MDGA2: variants seen among roughly 807,000 people sequenced by gnomAD.
The protein encoded by MDGA2 is MAM domain-containing glycosylphosphatidylinositol anchor protein 2.
In MDGA2, 40 loss-of-function variants were observed where a neutral mutation model predicts 117.8. The ratio of observed to expected loss-of-function variants is 0.34; its 90% CI spans 0.26 to 0.44. The LOEUF is 0.44. MDGA2 is among the 20% of genes least tolerant of loss of function. MDGA2 has a pLI of 1.00. For synonymous variants in MDGA2, 452 were observed against 439.0 expected (o/e 1.03, Z -0.37); for missense variants, 1,123 against 1,250.6 (o/e 0.90, Z 1.54).
intron 1 of MDGA2, among the ~76,000 whole-genome samples, chr14:47,360,811 G>A (rs1190545810): frequency 2.0e-5 from 3 of 152,086 alleles, no homozygotes; most frequent in African/African-American, 7.2e-5. Flanking sequence ...GCACAGAAAT[G>A]AAAACAACTT....
intron 14 of MDGA2, among the ~76,000 whole-genome samples, chr14:46,860,623 C>T (rs1251539488): frequency 1.3e-5 from 2 of 151,880 alleles, no homozygotes; most frequent in Non-Finnish European, 2.9e-5. Flanking sequence ...ACTTGTCTTC[C>T]ACAGAACTGA....
At position 46,909,950 on chromosome 14, in the gene MDGA2, C is replaced by A. The variant is rs568637520; in HGVS notation, c.2238+10062G>T. 5.9e-5 allele frequency among the ~76,000 whole-genome samples: 9 copies of A among 152,194 alleles called. 1 individual carries two copies. Among genetic ancestry groups the A allele is most frequent in the African/African-American group, 1.9e-4 (8 of 41,560 alleles). ...CATTGCAGATATTTTTATATTTTAA[C>A]TTGAAGCTTTCCTATTTTGTTTATA... is the stretch of plus-strand genomic sequence containing the variant. On this transcript the variant is annotated intron_variant, in intron 10 of 16. Coordinates refer to ENST00000399232, the MANE Select transcript of MDGA2 (RefSeq NM_001113498.3).
chr14:47,515,888 A>G (rs1894741216), intron 1 of MDGA2, among the ~76,000 whole-genome samples: 1 of 152,178 alleles, frequency 6.6e-6, no homozygotes, highest in African/African-American at 2.4e-5. Context: ...CAGAACCAAT[A>G]TCTACATGTT....
chr14:47,239,512 A>G (rs937142156), intron 2 of MDGA2, among the ~76,000 whole-genome samples: 2 of 151,892 alleles, frequency 1.3e-5, no homozygotes, highest in Non-Finnish European at 2.9e-5. Context: ...AAACATAAAA[A>G]GCTTCTTTCA....
chr14:46,930,125 T>G (rs949024543), intron 9 of MDGA2, among the ~76,000 whole-genome samples: 1 of 148,952 alleles, frequency 6.7e-6, no homozygotes, highest in Admixed American at 6.7e-5. Context: ...AAAAAAAAAC[T>G]GAAAAGATTG....
chr14:47,663,261 T>C (rs553485427), intron 1 of MDGA2, among the ~76,000 whole-genome samples: 2 of 152,316 alleles, frequency 1.3e-5, no homozygotes, highest in Non-Finnish European at 2.9e-5. Context: ...TAAGGTGATT[T>C]GTTTAGCAAA....
chr14:47,554,980 A>C (rs1235278892), intron 1 of MDGA2, among the ~76,000 whole-genome samples: 2 of 152,198 alleles, frequency 1.3e-5, no homozygotes. Context: ...AAGTTCAACT[A>C]AGCCAAAATG....
At chr14:47,267,218 C>CT (rs1566711374) in intron 2 of MDGA2, among the ~76,000 whole-genome samples, 1 of 151,656 alleles carries the variant, frequency 6.6e-6, no homozygotes. Context: ...AAATATGATT[C>CT]TTTTTTTGGT....
At chr14:47,227,754 C>G (rs1424936336) in intron 2 of MDGA2, among the ~76,000 whole-genome samples, 1 of 152,110 alleles carries the variant, frequency 6.6e-6, no homozygotes, top group Non-Finnish European at 1.5e-5. Context: ...CCACAATGCA[C>G]CCAAAGTAGA....
chr14:47,176,189 T>C (rs1884435858), intron 3 of MDGA2, among the ~76,000 whole-genome samples: 1 of 152,046 alleles, frequency 6.6e-6, no homozygotes. Context: ...TGCTCATGGG[T>C]AGGAAGAATC....
At chr14:46,907,371 G>C (rs964802303) in intron 10 of MDGA2, among the ~76,000 whole-genome samples, 2 of 152,070 alleles carry the variant, frequency 1.3e-5, no homozygotes, top group Non-Finnish European at 2.9e-5. Context: ...CTAACAATTT[G>C]AGAATACCTG....
At chr14:47,523,825 G>C (rs1437483247) in intron 1 of MDGA2, among the ~76,000 whole-genome samples, 1 of 152,202 alleles carries the variant, frequency 6.6e-6, no homozygotes, top group Non-Finnish European at 1.5e-5. Flanking sequence ...TTTTGCCTTA[G>C]TTTGTCACTG....
At chr14:47,007,119 T>G (rs1887739720) in intron 8 of MDGA2, among the ~76,000 whole-genome samples, 2 of 151,842 alleles carry the variant, frequency 1.3e-5, no homozygotes, top group Admixed American at 1.3e-4. Context: ...CATATGGAAT[T>G]TGTATCATAT....
chr14:47,415,628 C>A (rs183589493), intron 1 of MDGA2, among the ~76,000 whole-genome samples: 58 of 152,038 alleles, frequency 3.8e-4, no homozygotes, highest in Non-Finnish European at 7.9e-4. Flanking sequence ...TCCTGCTAAC[C>A]CCAAGAGAAT....
At chr14:47,509,882 T>A (rs950090145) in intron 1 of MDGA2, among the ~76,000 whole-genome samples, 1 of 152,204 alleles carries the variant, frequency 6.6e-6, no homozygotes, top group African/African-American at 2.4e-5. Flanking sequence ...TTGAGTTACA[T>A]CCATGTCTGA....
intron 8 of MDGA2, among the ~76,000 whole-genome samples, chr14:47,029,703 ATAGTTT>A (rs2138623948): frequency 6.6e-6 from 1 of 152,330 alleles, no homozygotes; most frequent in African/African-American, 2.4e-5. Flanking sequence ...ATAAAATGTT[ATAGTTT>A]ATCAAATTAA....
intron 15 of MDGA2, among the ~76,000 whole-genome samples, chr14:46,852,953 G>A (rs780329899): frequency 1.3e-5 from 2 of 151,674 alleles, no homozygotes; most frequent in Non-Finnish European, 2.9e-5. Flanking sequence ...TACCAGACTT[G>A]TAAAAAAAAT....
intron 2 of MDGA2, among the ~76,000 whole-genome samples, chr14:47,265,344 GA>G (rs1349220394): frequency 6.6e-6 from 1 of 152,000 alleles, no homozygotes; most frequent in Non-Finnish European, 1.5e-5. Flanking sequence ...TTGTGTTTAA[GA>G]ATAATCTTTC....
intron 1 of MDGA2, among the ~76,000 whole-genome samples, chr14:47,543,066 C>G (rs1022448228): frequency 6.6e-6 from 1 of 152,004 alleles, no homozygotes; most frequent in African/African-American, 2.4e-5. Flanking sequence ...GAAAAATTAG[C>G]CAGGCATGGT....
Sources: allele counts gnomAD v4.1 joint callset (sites outside exome capture counted in the v4.1 genomes callset), GRCh38; gene constraint gnomAD v4.1.1; transcripts MANE v1.5; gene names NCBI Gene and HGNC (gene_info 2026-07-23, HGNC 2026-07-21).